Variants in BNC2 observed in about 807,000 individuals in gnomAD.
BNC2 encodes zinc finger protein basonuclin-2.
Under a neutral mutation model 76.3 loss-of-function variants are expected in BNC2, and 20 were observed. That is an observed-to-expected ratio of 0.26 (90% CI 0.18 to 0.38). BNC2 has a LOEUF of 0.38. BNC2 is among the 10% of genes least tolerant of loss of function. The pLI is 1.00. For missense variants in BNC2, 1,382 were observed against 1,399.8 expected, an observed-to-expected ratio of 0.99 and a Z score of 0.20; for synonymous variants, 582 against 514.8, an observed-to-expected ratio of 1.13 and a Z score of -1.77.
At chr9:16,844,374 A>T (rs568336997) in intron 1 of BNC2, among the ~76,000 whole-genome samples, 1 of 152,156 alleles carries the variant, frequency 6.6e-6, no homozygotes, top group South Asian at 2.1e-4. Flanking sequence ...AGTAGAATTC[A>T]GTGTTCAATC....
intron 5 of BNC2, among the ~76,000 whole-genome samples, chr9:16,502,573 T>TG: frequency 1.3e-5 from 2 of 152,126 alleles, no homozygotes; most frequent in Admixed American, 1.3e-4. Flanking sequence ...TACTTCTTCT[T>TG]GGGGTGAATG....
intron 5 of BNC2, among the ~76,000 whole-genome samples, chr9:16,506,749 G>GT (rs545868832): frequency 6.0e-5 from 9 of 149,220 alleles, no homozygotes; most frequent in East Asian, 3.9e-4. Context: ...TGTTTGTTTG[G>GT]TTTTTTTTGT....
intron 1 of BNC2, among the ~76,000 whole-genome samples, chr9:16,857,148 C>CT (rs1280306348): frequency 6.6e-6 from 1 of 152,084 alleles, no homozygotes; most frequent in Non-Finnish European, 1.5e-5. Flanking sequence ...AAATTTACGT[C>CT]TGGTAAACAT....
chr9:16,547,798 G>A (rs904781845), intron 5 of BNC2, among the ~76,000 whole-genome samples: 1 of 152,160 alleles, frequency 6.6e-6, no homozygotes, highest in African/African-American at 2.4e-5. Flanking sequence ...TGAGCTTGAA[G>A]GGAAGAGGTT....
chr9:16,421,142 G>T, intron 6 of BNC2: 2 of 455,474 alleles, frequency 4.4e-6, no homozygotes, highest in Non-Finnish European at 6.8e-6. Flanking sequence ...GTGCCTCAGA[G>T]ACAAGAAAGG....
At chr9:16,633,742 G>A (rs963578921) in intron 3 of BNC2, among the ~76,000 whole-genome samples, 1 of 151,934 alleles carries the variant, frequency 6.6e-6, no homozygotes, top group Non-Finnish European at 1.5e-5. Context: ...AGTAAATAGC[G>A]GTTTGCAAAC....
chr9:16,561,584 C>T (rs1819017233), intron 4 of BNC2, among the ~76,000 whole-genome samples: 1 of 152,182 alleles, frequency 6.6e-6, no homozygotes, highest in African/African-American at 2.4e-5. Context: ...TGTTTCTCTT[C>T]TGAAAATTGT....
intron 6 of BNC2, chr9:16,429,849 G>C: frequency 2.2e-6 from 1 of 459,698 alleles, no homozygotes; most frequent in South Asian, 1.5e-5. Context: ...GTGGAGGAGT[G>C]AAAGGTCAGC....
chr9:16,779,130 A>AAAAGAAAG (rs1554729004), intron 1 of BNC2, among the ~76,000 whole-genome samples: 1 of 87,630 alleles, frequency 1.1e-5, no homozygotes, highest in South Asian at 4.4e-4. Context: ...AAAAAAAAAA[A>AAAAGAAAG]AAAAGAAAAG....
At chr9:16,866,896 T>C (rs553395102) in intron 1 of BNC2, among the ~76,000 whole-genome samples, 1 of 152,150 alleles carries the variant, frequency 6.6e-6, no homozygotes, top group Non-Finnish European at 1.5e-5. Flanking sequence ...CTACCTCCCC[T>C]TCCACAAGAA....
intron 3 of BNC2, among the ~76,000 whole-genome samples, chr9:16,629,500 G>T (rs944258608): frequency 9.9e-5 from 15 of 152,216 alleles, no homozygotes; most frequent in Middle Eastern, 3.4e-3. Flanking sequence ...AAGTACTTAG[G>T]GTGAATCTAG....
chr9:16,452,293 T>C (rs545179598), intron 5 of BNC2, among the ~76,000 whole-genome samples: 2 of 152,280 alleles, frequency 1.3e-5, no homozygotes, highest in Admixed American at 6.5e-5. Flanking sequence ...TAAATCCCAG[T>C]GTACAAAAAA....
chr9:16,709,204 G>C (rs1288393302), intron 3 of BNC2, among the ~76,000 whole-genome samples: 1 of 152,118 alleles, frequency 6.6e-6, no homozygotes, highest in Non-Finnish European at 1.5e-5. Flanking sequence ...GAGATGAAGT[G>C]GGGAGGGGAA....
intron 1 of BNC2, among the ~76,000 whole-genome samples, chr9:16,829,305 G>A (rs1297391471): frequency 1.3e-5 from 2 of 152,064 alleles, no homozygotes; most frequent in African/African-American, 4.8e-5. Context: ...TTCAGGGTAG[G>A]GCTGTCTCCT....
At chr9:16,844,071 G>A (rs1818902934) in intron 1 of BNC2, among the ~76,000 whole-genome samples, 1 of 151,978 alleles carries the variant, frequency 6.6e-6, no homozygotes, top group South Asian at 2.1e-4. Context: ...ACCAGCCTGG[G>A]CAACATAGTG....
intron 1 of BNC2, among the ~76,000 whole-genome samples, chr9:16,861,234 G>C (rs189308393): frequency 9.0e-5 from 13 of 144,932 alleles, no homozygotes; most frequent in Non-Finnish European, 2.0e-4. Context: ...TGCACTTGTA[G>C]TCCCAATTAC....
intron 1 of BNC2, among the ~76,000 whole-genome samples, chr9:16,846,590 T>C (rs556887355): frequency 1.5e-4 from 23 of 152,336 alleles, no homozygotes; most frequent in African/African-American, 5.3e-4. Context: ...GTAGGGTTTC[T>C]CTTTCAGCAG....
At chr9:16,452,075 C>G (rs1821351738) in intron 5 of BNC2, among the ~76,000 whole-genome samples, 1 of 152,182 alleles carries the variant, frequency 6.6e-6, no homozygotes, top group Non-Finnish European at 1.5e-5. Context: ...ACTAGTTCCC[C>G]AGGACCAATG....
intron 1 of BNC2, among the ~76,000 whole-genome samples, chr9:16,845,374 G>A (rs1281784553): frequency 6.6e-6 from 1 of 152,136 alleles, no homozygotes; most frequent in East Asian, 1.9e-4. Flanking sequence ...CTTTTCAAAT[G>A]CTACAAGTCA....
Sources: allele counts gnomAD v4.1 joint callset (sites outside exome capture counted in the v4.1 genomes callset), GRCh38; gene constraint gnomAD v4.1.1; transcripts MANE v1.5; gene names NCBI Gene and HGNC (gene_info 2026-07-23, HGNC 2026-07-21).